DPYD: variants seen among roughly 807,000 people sequenced by gnomAD.
DPYD encodes the protein dihydropyrimidine dehydrogenase, also known as dihydropyrimidine dehydrogenase [NADP(+)].
DPYD carries 109 observed loss-of-function variants against 116.2 expected under a neutral mutation model. The observed-to-expected ratio is 0.94, with a 90% confidence interval of 0.80 to 1.10. The LOEUF (loss-of-function observed/expected upper bound fraction) is 1.10. Among genes scored for constraint, DPYD ranks in the 50% least tolerant of loss-of-function variants. The pLI, the probability that DPYD is intolerant of heterozygous loss-of-function variation, is 0.00. For synonymous variants in DPYD, 440 were observed against 432.0 expected, an observed-to-expected ratio of 1.02 and a Z score of -0.23; for missense variants, 1,302 against 1,254.5, an observed-to-expected ratio of 1.04 and a Z score of -0.57.
chr1:97,217,423 A>C (rs921226834), intron 19 of DPYD, among the ~76,000 whole-genome samples: 1 of 152,144 alleles, frequency 6.6e-6, no homozygotes, highest in Non-Finnish European at 1.5e-5. Flanking sequence ...TACTATTTGT[A>C]AACTTTAAGC....
intron 18 of DPYD, among the ~76,000 whole-genome samples, chr1:97,275,160 G>T (rs1252649252): frequency 6.6e-6 from 1 of 152,138 alleles, no homozygotes; most frequent in East Asian, 1.9e-4. Flanking sequence ...GATGGCAACA[G>T]AAAAGGCTGG....
intron 20 of DPYD, among the ~76,000 whole-genome samples, chr1:97,141,077 T>C (rs1474966222): frequency 1.3e-5 from 2 of 151,984 alleles, no homozygotes; most frequent in South Asian, 2.1e-4. Flanking sequence ...CTGCAAACCT[T>C]GTCATAGTGA....
intron 2 of DPYD, among the ~76,000 whole-genome samples, chr1:97,852,946 A>T (rs974337004): frequency 3.9e-5 from 6 of 152,180 alleles, no homozygotes; most frequent in Non-Finnish European, 8.8e-5. Context: ...ATTATTGAAA[A>T]TCAATTGGCT....
At chr1:97,367,264 A>G (rs1271904844) in intron 16 of DPYD, among the ~76,000 whole-genome samples, 1 of 152,018 alleles carries the variant, frequency 6.6e-6, no homozygotes, top group Non-Finnish European at 1.5e-5. Flanking sequence ...AAACAGAAAC[A>G]AAGCCTCTCT....
In DPYD at chr1:97,700,145, G is replaced by A. The variant is rs567881430; in HGVS notation, c.484-598C>T. ...CAGAGGAAAGTAAGAACAAAGTTAA[G>A]TGACCAGAAGTCACTTTTCCCCTGA... is the stretch of plus-strand genomic sequence containing the variant. On this transcript the variant is annotated intron_variant, in intron 5 of 22. Coordinates refer to ENST00000370192, the MANE Select transcript of DPYD (RefSeq NM_000110.4). 1.5e-4 allele frequency: 66 copies of A among 442,712 alleles called. 1 individual carries two copies. Among genetic ancestry groups the A allele is most frequent in the Non-Finnish European group, 2.5e-4 (56 of 221,294 alleles). 27.4% of individuals were successfully genotyped at this position (442,712 alleles called of 1,614,324 possible).
intron 2 of DPYD, among the ~76,000 whole-genome samples, chr1:97,882,385 T>C (rs998881491): frequency 4.6e-5 from 7 of 151,940 alleles, no homozygotes; most frequent in African/African-American, 1.7e-4. Flanking sequence ...ACACCCTCAG[T>C]TTCCATCCTC....
intron 14 of DPYD, among the ~76,000 whole-genome samples, chr1:97,400,019 C>A (rs1459531275): frequency 6.6e-6 from 1 of 152,132 alleles, no homozygotes; most frequent in African/African-American, 2.4e-5. Context: ...GCATCCCTGT[C>A]TTGTGCCAGT....
intron 20 of DPYD, among the ~76,000 whole-genome samples, chr1:97,109,408 G>A (rs1651427681): frequency 6.6e-6 from 1 of 152,058 alleles, no homozygotes; most frequent in Admixed American, 6.6e-5. Flanking sequence ...AAATGCTACT[G>A]CTTTCATGGC....
intron 16 of DPYD, among the ~76,000 whole-genome samples, chr1:97,340,210 GA>G (rs1195652899): frequency 1.3e-5 from 2 of 150,884 alleles, no homozygotes; most frequent in Non-Finnish European, 3.0e-5. Context: ...ATAGAGAAAA[GA>G]AAAAAAGAAT....
chr1:97,096,876 C>G (rs1174600134), intron 21 of DPYD, among the ~76,000 whole-genome samples: 1 of 152,260 alleles, frequency 6.6e-6, no homozygotes, highest in South Asian at 2.1e-4. Flanking sequence ...CTGCTGCTCA[C>G]TCTTTGGGTC....
chr1:97,858,501 A>G (rs899313459), intron 2 of DPYD, among the ~76,000 whole-genome samples: 5 of 152,144 alleles, frequency 3.3e-5, no homozygotes, highest in African/African-American at 1.2e-4. Context: ...CCTTTCTTCT[A>G]CTTCCAGATA....
chr1:97,579,862 A>T (rs1302283375), intron 10 of DPYD, among the ~76,000 whole-genome samples: 2 of 152,188 alleles, frequency 1.3e-5, no homozygotes, highest in African/African-American at 4.8e-5. Flanking sequence ...TTCTTTTTAC[A>T]CAGTAGTGGG....
chr1:97,302,858 C>A (rs894493588), intron 18 of DPYD, among the ~76,000 whole-genome samples: 3 of 151,998 alleles, frequency 2.0e-5, no homozygotes, highest in African/African-American at 7.2e-5. Context: ...AACTTGATTG[C>A]ATAGTATACT....
intron 16 of DPYD, among the ~76,000 whole-genome samples, chr1:97,323,539 T>C (rs1416354893): frequency 1.5e-5 from 2 of 129,424 alleles, no homozygotes; most frequent in Non-Finnish European, 3.3e-5. Flanking sequence ...TATATACATA[T>C]CATATATATA....
Position 97,921,034 on chromosome 1 carries a change from T to C in DPYD, c.-112A>G, listed in dbSNP as rs868725176. The C allele has an allele frequency of 1.2e-4, 158 of 1,363,070 alleles. No homozygotes were observed. Among genetic ancestry groups the C allele is most frequent in the Admixed American group, 4.1e-4 (20 of 48,534 alleles). The allele number at this position is 1,363,070 out of a possible 1,614,324, so 84.4% of individuals were successfully genotyped here. ...GAGCGCGAGTCGAAAACAGGCAGACTAGGGCCGGCGGCGCGGGGGCGGAGC... is the reference window on the plus strand; with the variant it reads ...GAGCGCGAGTCGAAAACAGGCAGACCAGGGCCGGCGGCGCGGGGGCGGAGC... On this transcript the variant is annotated 5_prime_UTR_variant, in exon 1 of 23. Transcript: ENST00000370192.
At chr1:97,598,443 G>A (rs1655022773) in intron 8 of DPYD, among the ~76,000 whole-genome samples, 1 of 152,192 alleles carries the variant, frequency 6.6e-6, no homozygotes, top group Non-Finnish European at 1.5e-5. Context: ...ACAGTTCAGC[G>A]TAGTAGATAT....
intron 2 of DPYD, among the ~76,000 whole-genome samples, chr1:97,847,564 A>T (rs1343277952): frequency 6.6e-6 from 1 of 152,158 alleles, no homozygotes; most frequent in Non-Finnish European, 1.5e-5. Flanking sequence ...AAATGAAGGG[A>T]CTCAATGGAG....
intron 12 of DPYD, chr1:97,546,019 T>C: frequency 7.3e-7 from 1 of 1,377,440 alleles, no homozygotes; most frequent in Non-Finnish European, 1.0e-6. Flanking sequence ...TATGTGACCA[T>C]GAATATAAAA....
intron 8 of DPYD, among the ~76,000 whole-genome samples, chr1:97,618,467 C>T (rs546183756): frequency 6.6e-6 from 1 of 151,474 alleles, no homozygotes; most frequent in Non-Finnish European, 1.5e-5. Context: ...CCTCCGCCTC[C>T]CGGGTTCAAG....
Sources: gnomAD v4.1 joint callset for allele counts (sites outside exome capture counted in the v4.1 genomes callset) on GRCh38, gnomAD v4.1.1 for gene constraint, MANE v1.5 for transcripts, NCBI Gene and HGNC (gene_info 2026-07-23, HGNC 2026-07-21) for gene names.